BRAP: variants seen among roughly 807,000 people sequenced by gnomAD.
BRAP encodes the protein BRCA1 associated protein, also known as BRCA1-associated protein.
A neutral mutation model predicts 73.4 loss-of-function variants in BRAP; 42 were observed. That is an observed-to-expected ratio of 0.57 (90% CI 0.45 to 0.74). The LOEUF is 0.74. Among genes scored for constraint, BRAP ranks in the 30% least tolerant of loss-of-function variants. The pLI is 0.00. For synonymous variants in BRAP, 255 were observed against 267.4 expected (o/e 0.95, Z 0.45); for missense variants, 593 against 751.4 (o/e 0.79, Z 2.46).
chr12:111,666,830 TC>T (rs2135914895), intron 5 of BRAP, among the ~76,000 whole-genome samples: 1 of 152,250 alleles, frequency 6.6e-6, no homozygotes, highest in Non-Finnish European at 1.5e-5. Flanking sequence ...ACAGGAAATC[TC>T]TCAAGAAGCC....
At chr12:111,673,053 C>T (rs1438582221) in intron 4 of BRAP, 2 of 346,564 alleles carry the variant, frequency 5.8e-6, no homozygotes, top group Non-Finnish European at 1.0e-5. Context: ...AAAGCTGGTA[C>T]AATTTTCATA....
chr12:111,649,829 C>T, intron 11 of BRAP, 110 bp downstream of exon 11: 1 of 725,604 alleles, frequency 1.4e-6, no homozygotes, highest in Non-Finnish European at 2.2e-6. Flanking sequence ...TAGGGAGACT[C>T]CTGAAAACCT....
chr12:111,676,251 G>A (rs1887375824), intron 4 of BRAP, among the ~76,000 whole-genome samples: 1 of 152,118 alleles, frequency 6.6e-6, no homozygotes. Flanking sequence ...AGGCTTATAA[G>A]TCCTTATTTA....
intron 4 of BRAP, among the ~76,000 whole-genome samples, chr12:111,676,724 A>G (rs1390544927): frequency 6.6e-6 from 1 of 152,082 alleles, no homozygotes; most frequent in Non-Finnish European, 1.5e-5. Flanking sequence ...CCAACATGGC[A>G]TCGTTGAGAG....
At chr12:111,664,773 T>C (rs181715619) in intron 6 of BRAP, among the ~76,000 whole-genome samples, 26 of 152,312 alleles carry the variant, frequency 1.7e-4, no homozygotes, top group Non-Finnish European at 2.1e-4. Context: ...ACTTCTGTGC[T>C]TGGGAACATG....
rs773656667 is a variant in BRAP at position 111,679,140 on chromosome 12, A to G, written c.633+11T>C. 5 of 1,471,096 alleles carry G rather than the reference A, an allele frequency of 3.4e-6. No homozygotes were observed. Among genetic ancestry groups the G allele is most frequent in the Admixed American group, 2.3e-5 (1 of 44,324 alleles). The allele number at this position is 1,471,096 out of a possible 1,614,324, so 91.1% of individuals were successfully genotyped here. ...GGCAAAGAGATTTTTAATAAATTTA[A>G]TAACTTTTACCTGTGCACGAAACTT... On this transcript the variant is annotated intron_variant, in intron 4 of 11. Transcript: ENST00000419234.
intron 4 of BRAP, among the ~76,000 whole-genome samples, chr12:111,678,720 A>T (rs1465944510): frequency 7.2e-6 from 1 of 138,152 alleles, no homozygotes; most frequent in East Asian, 2.2e-4. Flanking sequence ...ACGGAGTCTC[A>T]CTCTTGCCAC....
chr12:111,685,290 A>T (rs761093829), intron 1 of BRAP, among the ~76,000 whole-genome samples: 51 of 152,244 alleles, frequency 3.3e-4, no homozygotes, highest in Non-Finnish European at 4.7e-4. Context: ...AAGTGTCCAA[A>T]TTTTAGTTAT....
rs1887639990 is a variant in BRAP at position 111,682,494 on chromosome 12, T to C, written c.244+652A>G. Among the ~76,000 whole-genome samples the C allele has an allele frequency of 2.4e-5, 2 of 83,408 alleles. 1 individual carries two copies. Among genetic ancestry groups the C allele is most frequent in the Non-Finnish European group, 4.0e-5 (2 of 50,328 alleles). The allele number at this position is 83,408 out of a possible 152,430, so 54.7% of individuals were successfully genotyped here. A position where few individuals can be genotyped will look rare whatever the true frequency, so the allele number is the denominator to read the frequency against. ...CCCACCTGGGGACAAAGTGAGACTG[T>C]CTCAAAAAAAAAAAAAAAAAAAAAG... On this transcript the variant is annotated intron_variant, in intron 2 of 11. Transcript: ENST00000419234.
intron 6 of BRAP, among the ~76,000 whole-genome samples, chr12:111,661,429 G>A (rs560780134): frequency 1.0e-3 from 150 of 150,600 alleles, no homozygotes; most frequent in Non-Finnish European, 1.1e-3. Flanking sequence ...ACAGGCATGC[G>A]CCACCACGCC....
At chr12:111,682,497 C>CAAAAAAAA (rs11366915) in intron 2 of BRAP, among the ~76,000 whole-genome samples, 23 of 77,838 alleles carry the variant, frequency 3.0e-4, no homozygotes, top group Admixed American at 4.6e-4. Context: ...GAGACTGTCT[C>CAAAAAAAA]AAAAAAAAAA....
chr12:111,671,491 A>G (rs1887168330), intron 5 of BRAP, among the ~76,000 whole-genome samples: 1 of 152,058 alleles, frequency 6.6e-6, no homozygotes, highest in Non-Finnish European at 1.5e-5. Flanking sequence ...TGGAGGTTGC[A>G]GTGAGCCAAG....
At position 111,672,667 on chromosome 12, in the gene BRAP, A is replaced by C. The variant is rs765646650; in HGVS notation, c.741T>G (p.Ser247=). ...VYVERAEVLK[S]EDGASLPVMD... is the part of the protein sequence containing the mutation. ...AGGAACAATTCACACTTACATCTTC[A>C]GATTTGAGCACTTCAGCTCTTTCCA... Residue 247 remains serine, a synonymous_variant, in exon 5 of 12, where the codon TCT becomes TCG. Transcript: ENST00000419234. 3 of 1,610,388 alleles carry C rather than the reference A, an allele frequency of 1.9e-6. No individual in the cohort carries two copies. In the African/African-American group the frequency reaches 4.0e-5, roughly 22 times the overall value.
chr12:111,659,552 G>A (rs1341683166), intron 7 of BRAP, among the ~76,000 whole-genome samples: 1 of 152,222 alleles, frequency 6.6e-6, no homozygotes, highest in Non-Finnish European at 1.5e-5. Flanking sequence ...TACTCAGGAG[G>A]CTGAGGCAAG....
intron 5 of BRAP, among the ~76,000 whole-genome samples, chr12:111,669,184 A>C (rs943295268): frequency 1.3e-5 from 2 of 151,966 alleles, no homozygotes; most frequent in African/African-American, 4.8e-5. Context: ...GAGTTAAGAG[A>C]GTAACTGCTT....
At chr12:111,685,679 T>C in intron 1 of BRAP, 32 bp downstream of exon 1, 1 of 1,590,682 alleles carries the variant, frequency 6.3e-7, no homozygotes, top group Non-Finnish European at 8.5e-7. Flanking sequence ...CAGACCCGGC[T>C]ACAGGGAATG....
intron 11 of BRAP, among the ~76,000 whole-genome samples, chr12:111,646,407 G>C (rs11838234): frequency 9.6e-4 from 146 of 152,308 alleles, no homozygotes; most frequent in African/African-American, 3.4e-3. Flanking sequence ...TGAGAAAAGA[G>C]GCACTTACAC....
At chr12:111,682,497 CAAAAAA>C (rs11366915) in intron 2 of BRAP, among the ~76,000 whole-genome samples, 1 of 77,906 alleles carries the variant, frequency 1.3e-5, no homozygotes, top group Non-Finnish European at 2.4e-5. Flanking sequence ...GAGACTGTCT[CAAAAAA>C]AAAAAAAAAA....
chr12:111,667,721 A>AAAAAAAAAAAAAAAAAAAAAG (rs1887007348), intron 5 of BRAP, among the ~76,000 whole-genome samples: 1 of 139,654 alleles, frequency 7.2e-6, no homozygotes, highest in Non-Finnish European at 1.5e-5. Context: ...AAAAAAAAAA[A>AAAAAAAAAAAAAAAAAAAAAG]GCTCATACAC....
Sources: gnomAD v4.1 joint callset for allele counts (sites outside exome capture counted in the v4.1 genomes callset) on GRCh38, gnomAD v4.1.1 for gene constraint, MANE v1.5 for transcripts, NCBI Gene and HGNC (gene_info 2026-07-23, HGNC 2026-07-21) for gene names.